UPF3A: variants seen among roughly 807,000 people sequenced by gnomAD.
UPF3A encodes regulator of nonsense transcripts 3A.
In UPF3A, 42 loss-of-function variants were observed where a neutral mutation model predicts 53.5. The observed-to-expected ratio is 0.78, with a 90% CI of 0.61 to 1.01. UPF3A has a LOEUF of 1.01. Ranked by LOEUF, UPF3A falls within the 50% of genes least tolerant of loss-of-function variation. UPF3A has a pLI of 0.00. For missense variants in UPF3A, 575 were observed against 598.0 expected (o/e 0.96, Z 0.40); for synonymous variants, 237 against 225.3 (o/e 1.05, Z -0.47).
chr13:114,297,666 T>C (rs537982573), intron 7 of UPF3A, among the ~76,000 whole-genome samples: 1 of 151,958 alleles, frequency 6.6e-6, no homozygotes, highest in East Asian at 1.9e-4. Context: ...CCATCTCTAC[T>C]AAAAATACAA....
chr13:114,296,607 TGAG>T (rs2086052736), intron 7 of UPF3A, among the ~76,000 whole-genome samples: 1 of 152,070 alleles, frequency 6.6e-6, no homozygotes, highest in Non-Finnish European at 1.5e-5. Flanking sequence ...TTACCAAATC[TGAG>T]GAGAGGCCAT....
rs1272453082 is a variant in UPF3A at position 114,295,125 on chromosome 13, A to G, written c.846+3333A>G. ...AGACTCCGTCTCAAAAAAAAAAAAA[A>G]AAAGAAAAGAAATACGGCACACAGA... On this transcript the variant is annotated intron_variant, in intron 7 of 9. Coordinates refer to ENST00000375299, the MANE Select transcript of UPF3A (RefSeq NM_023011.4). 2.6e-5 allele frequency among the ~76,000 whole-genome samples: 4 copies of G among 151,700 alleles called. 1 individual carries two copies. Among genetic ancestry groups the G allele is most frequent in the South Asian group, 4.2e-4 (2 of 4,790 alleles).
chr13:114,285,327 A>T (rs1206656562), intron 3 of UPF3A: 3 of 152,268 alleles, frequency 2.0e-5, no homozygotes, highest in African/African-American at 7.2e-5. Context: ...CACACTGATT[A>T]CTTTCAGCTT....
chr13:114,286,690 G>A (rs935219556), intron 5 of UPF3A, 61 bp downstream of exon 5: 5 of 1,366,436 alleles, frequency 3.7e-6, no homozygotes, highest in African/African-American at 2.9e-5. Flanking sequence ...GAGGATATAC[G>A]TTTTTTCTCT....
At chr13:114,291,895 T>C in intron 7 of UPF3A, 103 bp downstream of exon 7, 1 of 1,334,066 alleles carries the variant, frequency 7.5e-7, no homozygotes, top group Non-Finnish European at 1.0e-6. Context: ...CATTCTGAAT[T>C]AATCTAATAT....
In UPF3A at chr13:114,289,510, A is replaced by G. The variant is rs1389528614; in HGVS notation, c.632-1979A>G. On this transcript the variant is annotated intron_variant, in intron 5 of 9. Coordinates refer to ENST00000375299, the MANE Select transcript of UPF3A (RefSeq NM_023011.4). ...CTGCACTCCAGCCTGGCGACAAAGT[A>G]AGACTCCATCTCAAAAAAAAAAAAA... Among the ~76,000 whole-genome samples, 4 of 146,932 alleles carry G rather than the reference A, an allele frequency of 2.7e-5. No homozygotes were observed. In the East Asian group the frequency reaches 8.4e-4, roughly 31 times the overall value.
chr13:114,294,824 C>CAAAAA (rs1227355954), intron 7 of UPF3A, among the ~76,000 whole-genome samples: 3 of 150,270 alleles, frequency 2.0e-5, no homozygotes, highest in Non-Finnish European at 3.0e-5. Context: ...GACTCCGTCT[C>CAAAAA]AAAAAGGCTG....
chr13:114,282,429 C>A (rs570550322), intron 2 of UPF3A: 87 of 984,970 alleles, frequency 8.8e-5, no homozygotes, highest in Non-Finnish European at 9.9e-5. Flanking sequence ...CTTCCCTGCT[C>A]GTCCGCGGAC....
Position 114,298,927 on chromosome 13 carries a change from C to G in UPF3A, c.934C>G (p.Gln312Glu). 1 of 1,609,734 alleles carries G rather than the reference C, an allele frequency of 6.2e-7. No individual in the cohort carries two copies. Among genetic ancestry groups the G allele is most frequent in the Non-Finnish European group, 8.5e-7 (1 of 1,178,188 alleles). Residue 312 changes from glutamine to glutamate, a missense_variant, in exon 8 of 10, where the codon CAG becomes GAG. Transcript: ENST00000375299. ...GGAGATTGATACTGGAGGTGGCAAG[C>G]AGGAATCCTGTGCCCCCGGTGCAGT... Reference protein sequence around the residue: ...GEEIDTGGGKQESCAPGAVVK... With the variant: ...GEEIDTGGGKEESCAPGAVVK...
At chr13:114,300,024 T>C (rs1254297359) in intron 8 of UPF3A, among the ~76,000 whole-genome samples, 3 of 152,244 alleles carry the variant, frequency 2.0e-5, no homozygotes, top group Non-Finnish European at 2.9e-5. Flanking sequence ...AAATCCATGA[T>C]TGTGAAGCAC....
chr13:114,286,141 TC>T, intron 3 of UPF3A, 160 bp from the exon 4 acceptor site: 1 of 961,162 alleles, frequency 1.0e-6, no homozygotes. Flanking sequence ...GGTTTTTTAA[TC>T]TTTTTTTTAA....
chr13:114,290,794 C>T (rs1382113810), intron 5 of UPF3A, among the ~76,000 whole-genome samples: 4 of 146,724 alleles, frequency 2.7e-5, no homozygotes, highest in South Asian at 2.1e-4. Flanking sequence ...AGTGCAGTGG[C>T]GCAATCTCGG....
intron 5 of UPF3A, chr13:114,287,640 A>G (rs1437367420): frequency 6.6e-6 from 1 of 151,914 alleles, no homozygotes. Flanking sequence ...TTTATCATTT[A>G]TTTTCCTGTC....
At chr13:114,288,956 T>C (rs966239950) in intron 5 of UPF3A, among the ~76,000 whole-genome samples, 8 of 152,194 alleles carry the variant, frequency 5.3e-5, no homozygotes, top group African/African-American at 1.9e-4. Context: ...TCACTTTGTT[T>C]TAAATGTCCC....
Position 114,291,473 on chromosome 13 carries a change from A to G in UPF3A, c.632-16A>G, listed in dbSNP as rs974367799. 5 of 1,585,466 alleles carry G rather than the reference A, an allele frequency of 3.2e-6. No individual in the cohort carries two copies. Among genetic ancestry groups the G allele is most frequent in the Middle Eastern group, 1.9e-4 (1 of 5,170 alleles). On this transcript the variant is annotated splice_polypyrimidine_tract_variant and intron_variant, in intron 5 of 9. Transcript: ENST00000375299. The stretch of plus-strand genomic sequence containing the variant: ...CTTTAGGAGTTAAATACAATATTAC[A>G]ATTTTTGTGTTTTAGCTAGAAGAAC...
intron 7 of UPF3A, among the ~76,000 whole-genome samples, chr13:114,292,076 C>G (rs555786210): frequency 6.6e-6 from 1 of 150,748 alleles, no homozygotes; most frequent in Non-Finnish European, 1.5e-5. Flanking sequence ...ACACGTTGGG[C>G]TGCTGCTGAC....
At position 114,286,689 on chromosome 13, in the gene UPF3A, C is replaced by T. The variant is rs923774892; in HGVS notation, c.631+60C>T. On this transcript the variant is annotated intron_variant, in intron 5 of 9. Coordinates refer to ENST00000375299, the MANE Select transcript of UPF3A (RefSeq NM_023011.4). Reference sequence around the variant, plus strand: ...GAGAGATTTACTCGTAGAGGATATACGTTTTTTCTCTTTTTCTTGACTGTG... The same window carrying T: ...GAGAGATTTACTCGTAGAGGATATATGTTTTTTCTCTTTTTCTTGACTGTG... 40 of 1,362,932 alleles carry T rather than the reference C, an allele frequency of 2.9e-5. No individual in the cohort carries two copies. The East Asian group carries it at 3.3e-4, about 11-fold the overall frequency. The allele number at this position is 1,362,932 out of a possible 1,614,324, so 84.4% of individuals were successfully genotyped here. A position where few individuals can be genotyped will look rare whatever the true frequency, so the allele number is the denominator to read the frequency against.
rs774338230 is a variant in UPF3A, at chr13:114,304,967, C to T, written c.*50C>T. On this transcript the variant is annotated 3_prime_UTR_variant, in exon 10 of 10. Coordinates refer to ENST00000375299, the MANE Select transcript of UPF3A (RefSeq NM_023011.4). ...TGGACGAGCAAGGGCATCCCAGAAA[C>T]GTGTAAATGACCCCGAGTGTGACTG... 25 of 1,581,024 alleles carry T rather than the reference C, an allele frequency of 1.6e-5. No homozygotes were observed. Among genetic ancestry groups the T allele is most frequent in the Admixed American group, 5.5e-5 (3 of 54,224 alleles).
intron 9 of UPF3A, among the ~76,000 whole-genome samples, chr13:114,302,394 A>G (rs1171943691): frequency 1.3e-5 from 2 of 152,184 alleles, no homozygotes; most frequent in East Asian, 1.9e-4. Flanking sequence ...GAATATTCCC[A>G]TGGCTCACAA....
Sources: gnomAD v4.1 joint callset for allele counts (sites outside exome capture counted in the v4.1 genomes callset) on GRCh38, gnomAD v4.1.1 for gene constraint, MANE v1.5 for transcripts, NCBI Gene and HGNC (gene_info 2026-07-23, HGNC 2026-07-21) for gene names.